FYB2: variants seen among roughly 807,000 people sequenced by gnomAD.
FYB2 encodes the protein FYN-binding protein 2.
Under a neutral mutation model 94.1 loss-of-function variants are expected in FYB2, and 103 were observed. The observed-to-expected ratio is 1.09, with a 90% CI of 0.93 to 1.29. The LOEUF is 1.29. FYB2 is among the 50% of genes most tolerant of loss of function. FYB2 has a pLI of 0.00. For missense variants in FYB2, 896 were observed against 841.5 expected (o/e 1.06, Z -0.80); for synonymous variants, 293 against 287.9 (o/e 1.02, Z -0.18).
intron 1 of FYB2, among the ~76,000 whole-genome samples, chr1:56,798,431 T>C (rs1337505409): frequency 3.3e-5 from 5 of 152,160 alleles, no homozygotes; most frequent in African/African-American, 9.7e-5. Context: ...CTCTTTGATA[T>C]GGAAATTAAG....
chr1:56,819,356 C>A lies in FYB2; in HGVS notation c.-66G>T, dbSNP rs542593337. ...TCTCAGAGCTGGGTCCTGGGGCCAA[C>A]AATCCGCTTTCCTCTGTCTCTGCTA... is the stretch of plus-strand genomic sequence containing the variant. On this transcript the variant is annotated 5_prime_UTR_variant, in exon 1 of 20. Coordinates refer to ENST00000343433, the MANE Select transcript of FYB2 (RefSeq NM_001004303.5). The A allele has an allele frequency of 3.7e-5, 60 of 1,603,062 alleles. No homozygotes were observed. In the African/African-American group the frequency reaches 5.9e-4, roughly 16 times the overall value.
intron 4 of FYB2, among the ~76,000 whole-genome samples, chr1:56,779,486 A>G (rs1020608364): frequency 4.6e-5 from 7 of 152,310 alleles, no homozygotes; most frequent in African/African-American, 7.2e-5. Context: ...CCTAATATGC[A>G]AGGGCAAAGG....
rs754394002 is a variant in FYB2, at chr1:56,792,113, G to A, written c.700C>T (p.Pro234Ser). The part of the protein sequence containing the change: ...SWENPPPERS[P>S]ASSPCQPIYE... ...ATGGGCTGGCAGGGGCTGCTTGCCGGGCTCCTCTCAGGAGGTGGGTTTTCC... is the reference window on the plus strand; with the variant it reads ...ATGGGCTGGCAGGGGCTGCTTGCCGAGCTCCTCTCAGGAGGTGGGTTTTCC... The change falls in exon 2 of 20, where the codon CCG (proline) becomes TCG (serine). Residue 234 changes from proline (P) to serine (S), a missense_variant. Coordinates refer to ENST00000343433, the MANE Select transcript of FYB2 (RefSeq NM_001004303.5). 6.2e-7 allele frequency: 1 copy of A among 1,611,632 alleles called. No homozygotes were observed. Among genetic ancestry groups the A allele is most frequent in the African/African-American group, 1.3e-5 (1 of 74,648 alleles).
In FYB2 at chr1:56,749,966, A is replaced by G. The variant is rs138164745; in HGVS notation, c.1387+1078T>C. ...TTTGTTTTAGTCAAGAGAGTCATTC[A>G]TATTGCCTAGTCCACCATATTTTTA... is the stretch of plus-strand genomic sequence containing the variant. On this transcript the variant is annotated intron_variant, in intron 9 of 19. Coordinates refer to ENST00000343433, the MANE Select transcript of FYB2 (RefSeq NM_001004303.5). Among the ~76,000 whole-genome samples the G allele has an allele frequency of 3.9e-3, 591 of 152,158 alleles. 3 individuals are homozygous for G. The highest frequency in any genetic ancestry group is 0.014 in the African/African-American group (565 of 41,552).
intron 16 of FYB2, among the ~76,000 whole-genome samples, chr1:56,725,592 G>A (rs576921837): frequency 6.6e-6 from 1 of 151,994 alleles, no homozygotes; most frequent in Non-Finnish European, 1.5e-5. Context: ...GTTATGCTGT[G>A]CAAATGTATG....
rs144721123 is a variant in FYB2, at chr1:56,744,042, T to A, written c.1527A>T (p.Ser509=). ...KEVPKLNYSS[S]LASSSEENRE... ...TATACTTACCACTACTTGAGGCAAG[T>A]GAGCTAGAGTAGTTCAGCTTCGGTC... The change falls in exon 11 of 20, where the codon TCA becomes TCT. Residue 509 remains serine (S), a synonymous_variant. Coordinates refer to ENST00000343433, the MANE Select transcript of FYB2 (RefSeq NM_001004303.5). 3.1e-6 allele frequency: 5 copies of A among 1,612,272 alleles called. No individual in the cohort carries two copies. The highest frequency in any genetic ancestry group is 3.4e-6 in the Non-Finnish European group (4 of 1,178,998).
At chr1:56,820,631 C>A (rs1045377146), upstream of FYB2, among the ~76,000 whole-genome samples, 2 of 152,240 alleles carry the variant, frequency 1.3e-5, no homozygotes, top group Non-Finnish European at 2.9e-5. Flanking sequence ...ATTCCCAAAC[C>A]TGGCTGATCA....
chr1:56,747,266 T>A (rs994141991), intron 9 of FYB2, among the ~76,000 whole-genome samples: 11 of 151,842 alleles, frequency 7.2e-5, no homozygotes, highest in African/African-American at 7.3e-5. Context: ...TTTTTTTTTT[T>A]ATTTTACTTT....
intron 17 of FYB2, among the ~76,000 whole-genome samples, chr1:56,721,748 A>G (rs765260848): frequency 6.6e-6 from 1 of 151,946 alleles, no homozygotes; most frequent in Non-Finnish European, 1.5e-5. Context: ...TACTTGAAAT[A>G]CTCTTATGTC....
At chr1:56,778,349 A>C (rs1343999078) in intron 4 of FYB2, among the ~76,000 whole-genome samples, 1 of 152,170 alleles carries the variant, frequency 6.6e-6, no homozygotes, top group Non-Finnish European at 1.5e-5. Flanking sequence ...TAACTAGTTT[A>C]ATTTTCTCTC....
chr1:56,757,675 T>TTTCCTTCCTTCCTTCCTTCC lies in FYB2; in HGVS notation c.1098+1040_1098+1041insGGAAGGAAGGAAGGAAGGAA, dbSNP rs765794124. 1.1e-3 allele frequency among the ~76,000 whole-genome samples: 110 copies of TTTCCTTCCTTCCTTCCTTCC among 98,986 alleles called. 5 individuals are homozygous for TTTCCTTCCTTCCTTCCTTCC. The highest frequency in any genetic ancestry group is 6.9e-3 in the South Asian group (18 of 2,606). The allele number at this position is 98,986 out of a possible 152,430, so 64.9% of individuals were successfully genotyped here. ...TTTCTTTCTTTTTCTTTCTTTCCTC[T>TTTCCTTCCTTCCTTCCTTCC]TTCCTTCCTTCCTTCTTTCTTTCTT... On this transcript the variant is annotated intron_variant, in intron 6 of 19. Transcript: ENST00000343433.
intron 15 of FYB2, among the ~76,000 whole-genome samples, chr1:56,727,866 A>G (rs558965816): frequency 6.6e-6 from 1 of 152,224 alleles, no homozygotes; most frequent in East Asian, 1.9e-4. Context: ...AAAAGAATTT[A>G]TCCAGATTCA....
chr1:56,764,585 A>T (rs1645578437), intron 5 of FYB2, among the ~76,000 whole-genome samples: 1 of 151,160 alleles, frequency 6.6e-6, no homozygotes, highest in African/African-American at 2.4e-5. Context: ...CTCTATAGAG[A>T]CATTTTATTT....
Position 56,755,903 on chromosome 1 carries a change from C to T in FYB2, c.1123G>A (p.Glu375Lys). 6.2e-7 allele frequency: 1 copy of T among 1,608,614 alleles called. No homozygotes were observed. Among genetic ancestry groups the T allele is most frequent in the African/African-American group, 1.3e-5 (1 of 74,794 alleles). ...QKPGKNFPYP[E>K]PSAKHEDKKM... ...TTGAAAGATAAAACTCACCTAGGTT[C>T]TGGATAGGGAAAATTCTTCCCAGGC... The change falls in exon 7 of 20, where the codon GAA becomes AAA. Residue 375 changes from glutamate (E) to lysine (K), a missense_variant. Transcript: ENST00000343433.
the FYB2 span, chr1:56,825,287 T>C: frequency 6.6e-6 from 1 of 152,212 alleles, no homozygotes; most frequent in Non-Finnish European, 1.5e-5. Flanking sequence ...GGGCAGGATT[T>C]GGGGAGTGTG....
intron 4 of FYB2, among the ~76,000 whole-genome samples, chr1:56,780,377 A>G (rs2100893536): frequency 6.6e-6 from 1 of 152,304 alleles, no homozygotes; most frequent in Middle Eastern, 3.4e-3. Flanking sequence ...CACCTGCTCA[A>G]AGCATATCCA....
intron 11 of FYB2, 101 bp downstream of exon 11, chr1:56,743,925 T>C: frequency 7.7e-7 from 1 of 1,298,272 alleles, no homozygotes; most frequent in Non-Finnish European, 1.1e-6. Context: ...AAATTGGCAT[T>C]ATTAAAATAT....
intron 16 of FYB2, among the ~76,000 whole-genome samples, chr1:56,724,058 C>T (rs1644538525): frequency 7.0e-6 from 1 of 142,522 alleles, no homozygotes; most frequent in African/African-American, 2.8e-5. Flanking sequence ...AGAGATATAA[C>T]TTTTTCTTTT....
chr1:56,723,633 C>A lies in FYB2; in HGVS notation c.1929G>T (p.Lys643Asn), dbSNP rs773176269. ...GTTTTTCTTCTCTTTTCATTCTGTTCTTTTCTAAGTTTTGCTTCTTGGTTT... is the reference window on the plus strand; with the variant it reads ...GTTTTTCTTCTCTTTTCATTCTGTTATTTTCTAAGTTTTGCTTCTTGGTTT... ...FFKTKKQNLE[K>N]NRMKREEKLF... Residue 643 changes from lysine to asparagine, a missense_variant, in exon 17 of 20, where the codon AAG becomes AAT. Coordinates refer to ENST00000343433, the MANE Select transcript of FYB2 (RefSeq NM_001004303.5). 4.5e-6 allele frequency: 7 copies of A among 1,571,356 alleles called. No homozygotes were observed. The South Asian group carries it at 4.5e-5, about 10-fold the overall frequency.
Sources: gnomAD v4.1 joint callset for allele counts (sites outside exome capture counted in the v4.1 genomes callset) on GRCh38, gnomAD v4.1.1 for gene constraint, MANE v1.5 for transcripts, NCBI Gene and HGNC (gene_info 2026-07-23, HGNC 2026-07-21) for gene names.